FBXO3: variants seen among roughly 807,000 people sequenced by gnomAD.
FBXO3 encodes F-box protein 3, also known as F-box only protein 3.
Under a neutral mutation model 64.8 loss-of-function variants are expected in FBXO3, and 17 were observed. That is an observed-to-expected ratio of 0.26 (90% CI 0.18 to 0.39). The LOEUF (loss-of-function observed/expected upper bound fraction) is 0.39, where lower values mean the gene tolerates loss of function less well. Among genes scored for constraint, FBXO3 ranks in the 10% least tolerant of loss-of-function variants. The pLI is 1.00. For synonymous variants in FBXO3, 182 were observed against 201.6 expected, an observed-to-expected ratio of 0.90 and a Z score of 0.82; for missense variants, 420 against 589.9, an observed-to-expected ratio of 0.71 and a Z score of 2.98.
chr11:33,752,827 G>A (rs1854996393), intron 6 of FBXO3, among the ~76,000 whole-genome samples: 1 of 151,902 alleles, frequency 6.6e-6, no homozygotes, highest in African/African-American at 2.4e-5. Context: ...TATATTTTGT[G>A]GAAAAAAGTT....
intron 1 of FBXO3, chr11:33,771,370 T>A (rs148395760): frequency 6.6e-6 from 1 of 152,342 alleles, no homozygotes; most frequent in African/African-American, 2.4e-5. Context: ...GCCTGAATCG[T>A]AACAGTTCTG....
At chr11:33,742,558 A>T (rs1854712089) in intron 10 of FBXO3, 1 of 152,732 alleles carries the variant, frequency 6.5e-6, no homozygotes, top group Non-Finnish European at 1.5e-5. Context: ...CAAACAGACC[A>T]CTTGTAACAA....
At position 33,765,263 on chromosome 11, in the gene FBXO3, A is replaced by C. The variant is rs567330208; in HGVS notation, c.358+3588T>G. On this transcript the variant is annotated intron_variant, in intron 3 of 10. Transcript: ENST00000265651. ...TAGAACTCTCTGAACTCTCTTTGCA[A>C]CTTTTCTGTAAATCTCAAATTACTC... 2.0e-5 allele frequency among the ~76,000 whole-genome samples: 3 copies of C among 152,340 alleles called. No individual in the cohort carries two copies. In the South Asian group the frequency reaches 6.2e-4, roughly 32 times the overall value.
rs778152597 is a variant in FBXO3 at position 33,774,469 on chromosome 11, G to T, written c.29C>A (p.Pro10Gln). 7.6e-6 allele frequency: 12 copies of T among 1,589,110 alleles called. No individual in the cohort carries two copies. In the South Asian group the frequency reaches 1.2e-4, roughly 16 times the overall value. ...GGTGGGCAGCGACTCTAGGGTCAGCGGCGCCGTCTCGGTCTCCATGGCCGC... is the reference window on the plus strand; with the variant it reads ...GGTGGGCAGCGACTCTAGGGTCAGCTGCGCCGTCTCGGTCTCCATGGCCGC... MAAMETETA[P>Q]LTLESLPTDP... The change falls in exon 1 of 11, where the codon CCG becomes CAG. Residue 10 changes from proline (P) to glutamine (Q), a missense_variant. Transcript: ENST00000265651.
intron 3 of FBXO3, among the ~76,000 whole-genome samples, chr11:33,760,509 T>C (rs1232302496): frequency 1.3e-5 from 2 of 150,752 alleles, no homozygotes; most frequent in Non-Finnish European, 2.9e-5. Flanking sequence ...TAGCCAGGGA[T>C]GGTGTCGCAC....
Position 33,768,906 on chromosome 11 carries a change from A to G in FBXO3, c.303T>C (p.Asp101=). ...TGGGCTCCAAATATTTCTTGAGATC[A>G]TCCCAGGCCTTTTTAATAGCAGCAT... ...DHYAAIKKAW[D]DLKKYLEPRC... The change falls in exon 3 of 11, where the codon GAT becomes GAC. Residue 101 remains aspartate (D), a synonymous_variant. Transcript: ENST00000265651. 2 of 1,614,096 alleles carry G rather than the reference A, an allele frequency of 1.2e-6. No individual in the cohort carries two copies. The highest frequency in any genetic ancestry group is 8.5e-7 in the Non-Finnish European group (1 of 1,179,936).
chr11:33,770,631 C>T, intron 2 of FBXO3, 110 bp downstream of exon 2: 1 of 769,324 alleles, frequency 1.3e-6, no homozygotes, highest in Admixed American at 2.1e-5. Context: ...CGAGAAGAGC[C>T]ACCAAAGGAG....
At chr11:33,747,722 G>A (rs1194682286) in intron 9 of FBXO3, among the ~76,000 whole-genome samples, 1 of 151,988 alleles carries the variant, frequency 6.6e-6, no homozygotes, top group Non-Finnish European at 1.5e-5. Context: ...ACATTGGCCA[G>A]GCTGGTCTCA....
At chr11:33,774,249 G>A in intron 1 of FBXO3, 145 bp downstream of exon 1, 1 of 673,892 alleles carries the variant, frequency 1.5e-6, no homozygotes, top group Non-Finnish European at 2.5e-6. Context: ...GTCCCCGGTG[G>A]CTCCGCAGGA....
intron 3 of FBXO3, among the ~76,000 whole-genome samples, chr11:33,762,714 T>C (rs1435125159): frequency 2.3e-5 from 3 of 130,328 alleles, no homozygotes; most frequent in Non-Finnish European, 5.0e-5. Context: ...ATCTAAGCAA[T>C]GATCCCAAGT....
intron 2 of FBXO3, 55 bp downstream of exon 2, chr11:33,770,686 T>C: frequency 7.5e-7 from 1 of 1,336,768 alleles, no homozygotes; most frequent in South Asian, 1.2e-5. Flanking sequence ...CAAACTAGTG[T>C]TATGGAAGAA....
chr11:33,757,987 C>T (rs1429959765), intron 4 of FBXO3, among the ~76,000 whole-genome samples: 1 of 150,994 alleles, frequency 6.6e-6, no homozygotes, highest in Non-Finnish European at 1.5e-5. Flanking sequence ...ACAATAAATA[C>T]TTCATTCTTT....
At chr11:33,748,974 T>TA (rs1447266496) in intron 8 of FBXO3, 82 bp from the exon 9 acceptor site, 10 of 750,688 alleles carry the variant, frequency 1.3e-5, no homozygotes, top group Middle Eastern at 2.5e-4. Context: ...TTCAGGCTAA[T>TA]ACTATGAAGA....
At chr11:33,742,500 A>G (rs1854711048) in intron 10 of FBXO3, 1 of 153,694 alleles carries the variant, frequency 6.5e-6, no homozygotes, top group Non-Finnish European at 1.4e-5. Flanking sequence ...TATTTCACTA[A>G]GCCAGTACTT....
rs200315129 is a variant in FBXO3, at chr11:33,747,233, T to C, written c.1136A>G (p.Tyr379Cys). Residue 379 changes from tyrosine to cysteine, a missense_variant, in exon 10 of 11, where the codon TAT becomes TGT. By Grantham distance (194) the Tyr-to-Cys change is radical (BLOSUM62 -2). Transcript: ENST00000265651. Reference protein sequence around the residue: ...FSTTSGYMEGYYTFHFLYFKD... With the variant: ...FSTTSGYMEGCYTFHFLYFKD... ...AAAGTAAAGAAAATGGAAGGTATAA[T>C]ATCCTTCCATGTATCCTGATGTTGT... 1.9e-6 allele frequency: 3 copies of C among 1,612,742 alleles called. No homozygotes were observed. The Admixed American group carries it at 5.0e-5, about 27-fold the overall frequency.
Position 33,774,473 on chromosome 11 carries a change from C to G in FBXO3, c.25G>C (p.Ala9Pro), listed in dbSNP as rs1345683741. The G allele has an allele frequency of 2.5e-6, 4 of 1,584,410 alleles. No homozygotes were observed. The South Asian group carries it at 3.4e-5, about 14-fold the overall frequency. ...GGCAGCGACTCTAGGGTCAGCGGCG[C>G]CGTCTCGGTCTCCATGGCCGCCATC... MAAMETET[A>P]PLTLESLPTD... The change falls in exon 1 of 11, where the codon GCG (alanine) becomes CCG (proline). Residue 9 changes from alanine (A) to proline (P), a missense_variant. Ala to Pro is a conservative substitution (Grantham distance 27). Around this residue, in one of 3 missense-constraint regions of FBXO3, gnomAD observed 26 missense variants for 16.1 expected, o/e 1.62. Transcript: ENST00000265651.
chr11:33,756,563 T>C (rs1855102842), intron 4 of FBXO3, among the ~76,000 whole-genome samples: 1 of 152,258 alleles, frequency 6.6e-6, no homozygotes, highest in Non-Finnish European at 1.5e-5. Context: ...TTGCAATTTA[T>C]GACCTATTGG....
chr11:33,768,810 C>T, intron 3 of FBXO3, 41 bp downstream of exon 3: 1 of 1,609,772 alleles, frequency 6.2e-7, no homozygotes, highest in Non-Finnish European at 8.5e-7. Flanking sequence ...TTTATACTAA[C>T]AGTAATGGAA....
rs193226227 is a variant in FBXO3, at chr11:33,751,568, T to C, written c.764A>G (p.Asn255Ser). Reference sequence around the variant, plus strand: ...GATGGGGAAGCCACCTGATACAACATTTTTGACATAAGAGGTAAACCAGTC... The same window carrying C: ...GATGGGGAAGCCACCTGATACAACACTTTTGACATAAGAGGTAAACCAGTC... ...FTDWFTSYVK[N>S]VVSGGFPIIR... The change falls in exon 7 of 11, where the codon AAT (asparagine) becomes AGT (serine). Residue 255 changes from asparagine to serine, a missense_variant. Asn to Ser is a conservative substitution (Grantham distance 46). This residue lies in a region of FBXO3 where 337 missense variants were observed against 518.4 expected (regional missense o/e 0.65). Coordinates refer to ENST00000265651, the MANE Select transcript of FBXO3 (RefSeq NM_012175.4). The C allele has an allele frequency of 1.2e-6, 2 of 1,608,206 alleles. No homozygotes were observed. Among genetic ancestry groups the C allele is most frequent in the East Asian group, 2.3e-5 (1 of 44,366 alleles).
Sources: allele counts gnomAD v4.1 joint callset (sites outside exome capture counted in the v4.1 genomes callset), GRCh38; gene constraint gnomAD v4.1.1; regional missense constraint gnomAD v4.1.1; transcripts MANE v1.5; gene names NCBI Gene and HGNC (gene_info 2026-07-23, HGNC 2026-07-21).